The following HORMAD1 variants were observed in gnomAD, a reference collection of about 807,000 sequenced individuals.
HORMAD1 encodes the protein HORMA domain containing 1, also known as HORMA domain-containing protein 1.
In HORMAD1, 33 loss-of-function variants were observed where a neutral mutation model predicts 58.2. The ratio of observed to expected loss-of-function variants is 0.57; its 90% confidence interval spans 0.43 to 0.76. The LOEUF (loss-of-function observed/expected upper bound fraction) is 0.76, where lower values mean the gene tolerates loss of function less well. Ranked by LOEUF, HORMAD1 falls within the 30% of genes least tolerant of loss-of-function variation. HORMAD1 has a pLI of 0.00. For synonymous variants in HORMAD1, 137 were observed against 144.6 expected, an observed-to-expected ratio of 0.95 and a Z score of 0.38; for missense variants, 363 against 462.0, an observed-to-expected ratio of 0.79 and a Z score of 1.96.
intron 13 of HORMAD1, among the ~76,000 whole-genome samples, chr1:150,702,702 C>T (rs938133900): frequency 3.3e-5 from 5 of 152,084 alleles, no homozygotes; most frequent in African/African-American, 4.8e-5. Context: ...AATGAGAACA[C>T]ATGGACACAA....
At chr1:150,717,053 T>C (rs997068609) in intron 3 of HORMAD1, 85 bp downstream of exon 3, 22 of 820,388 alleles carry the variant, frequency 2.7e-5, no homozygotes, top group Middle Eastern at 3.9e-4. Flanking sequence ...AAAATAAAAT[T>C]TCTAAGTCAA....
intron 1 of HORMAD1, among the ~76,000 whole-genome samples, chr1:150,719,769 CTG>C (rs1652190003): frequency 1.3e-5 from 2 of 152,296 alleles, no homozygotes; most frequent in Admixed American, 1.3e-4. Context: ...TATTAAGAAA[CTG>C]TTTAAGAGAA....
chr1:150,702,365 G>A (rs1651562562), intron 13 of HORMAD1, among the ~76,000 whole-genome samples: 1 of 152,132 alleles, frequency 6.6e-6, no homozygotes, highest in Non-Finnish European at 1.5e-5. Flanking sequence ...ACAGTGTGGT[G>A]ATTCTTCAAA....
At chr1:150,702,329 G>A (rs1651561210) in intron 13 of HORMAD1, among the ~76,000 whole-genome samples, 1 of 152,190 alleles carries the variant, frequency 6.6e-6, no homozygotes, top group African/African-American at 2.4e-5. Context: ...TGGTTGGAAT[G>A]TAAATTAGTT....
chr1:150,708,293 A>G lies in HORMAD1; in HGVS notation c.510T>C (p.Asp170=). The part of the protein sequence containing the change: ...LMQNLGPLPN[D]VCLTMKLFYY... Reference sequence around the variant, plus strand: ...AAAAAAGTTTCATGGTCAAACAAACATCATTAGGTAAAGGCCCCAGATTTT... The same window carrying G: ...AAAAAAGTTTCATGGTCAAACAAACGTCATTAGGTAAAGGCCCCAGATTTT... The change falls in exon 9 of 15, where the codon GAT becomes GAC. Residue 170 remains aspartate, a synonymous_variant. Coordinates refer to ENST00000361824, the MANE Select transcript of HORMAD1 (RefSeq NM_032132.5). 1 of 1,607,742 alleles carries G rather than the reference A, an allele frequency of 6.2e-7. No individual in the cohort carries two copies. The highest frequency in any genetic ancestry group is 8.5e-7 in the Non-Finnish European group (1 of 1,177,372).
Position 150,717,215 on chromosome 1 carries a change from A to G in HORMAD1, c.101T>C (p.Leu34Pro), listed in dbSNP as rs749170405. Residue 34 changes from leucine (L) to proline (P), a missense_variant, in exon 3 of 15, where the codon CTA becomes CCA. By Grantham distance (98) the Leu-to-Pro change is moderately conservative. This residue lies in a region of HORMAD1 where 128 missense variants were observed against 171.8 expected (regional missense o/e 0.74). Transcript: ENST00000361824. ...HQSLVLVKRL[L>P]AVSVSCITYL... ...CGTGATACAGGATACTGAAACTGCT[A>G]GAAGCCTCTTCACTAACACCAAAGA... is the stretch of plus-strand genomic sequence containing the variant. 6.3e-7 allele frequency: 1 copy of G among 1,596,472 alleles called. No individual in the cohort carries two copies. Among genetic ancestry groups the G allele is most frequent in the South Asian group, 1.1e-5 (1 of 89,184 alleles).
chr1:150,708,641 T>C (rs1040519000), intron 8 of HORMAD1, among the ~76,000 whole-genome samples: 1 of 152,212 alleles, frequency 6.6e-6, no homozygotes, highest in African/African-American at 2.4e-5. Context: ...AGAAAGCACA[T>C]TATGTTTTAA....
rs768885402 is a variant in HORMAD1 at position 150,706,688 on chromosome 1, T to G, written c.669A>C (p.Lys223Asn). The change falls in exon 10 of 15, where the codon AAA becomes AAC. Residue 223 changes from lysine (K) to asparagine (N), a missense_variant. Lys to Asn is a moderately conservative substitution (Grantham distance 94). This residue lies in a region of HORMAD1 where 226 missense variants were observed against 257.8 expected (regional missense o/e 0.88). Coordinates refer to ENST00000361824, the MANE Select transcript of HORMAD1 (RefSeq NM_032132.5). ...GTTCTCTCTCAGTGGTCACTTTTAC[T>G]TTGAAGATGTGAAAAGGTGTTGAGA... is the stretch of plus-strand genomic sequence containing the variant. ...GEVSTPFHIFKVKVTTERERM... is the reference protein window; with the variant it reads ...GEVSTPFHIFNVKVTTERERM... 17 of 1,613,936 alleles carry G rather than the reference T, an allele frequency of 1.1e-5. No homozygotes were observed. Among genetic ancestry groups the G allele is most frequent in the Non-Finnish European group, 1.4e-5 (16 of 1,179,908 alleles).
rs1282634862 is a variant in HORMAD1, at chr1:150,717,274, C to G, written c.42G>C (p.Leu14=). The change falls in exon 3 of 15, where the codon CTG becomes CTC. Residue 14 remains leucine (L), a synonymous_variant. Coordinates refer to ENST00000361824, the MANE Select transcript of HORMAD1 (RefSeq NM_032132.5). ...CAGTTGATATCTTATTGGGAAATAC[C>G]AGTGCACTCTAAAATTCAAGGGAAA... is the stretch of plus-strand genomic sequence containing the variant. ...AQLQRTPMSA[L]VFPNKISTEH... The G allele has an allele frequency of 1.9e-6, 3 of 1,542,150 alleles. No individual in the cohort carries two copies. Among genetic ancestry groups the G allele is most frequent in the Non-Finnish European group, 2.6e-6 (3 of 1,145,874 alleles).
intron 6 of HORMAD1, 112 bp downstream of exon 6, chr1:150,711,721 T>C: frequency 1.1e-6 from 1 of 938,678 alleles, no homozygotes; most frequent in Non-Finnish European, 1.7e-6. Flanking sequence ...ATTGAATAGA[T>C]CAGTTATTTG....
chr1:150,714,553 G>T, intron 4 of HORMAD1, 62 bp downstream of exon 4: 2 of 852,648 alleles, frequency 2.3e-6, no homozygotes, highest in Non-Finnish European at 3.5e-6. Context: ...GGTATCCAAG[G>T]TACAAAAAAA....
chr1:150,718,687 T>G (rs1249859410), intron 2 of HORMAD1, among the ~76,000 whole-genome samples: 1 of 152,094 alleles, frequency 6.6e-6, no homozygotes, highest in African/African-American at 2.4e-5. Context: ...TGCAGTGGTG[T>G]GATCTCGACT....
chr1:150,702,675 A>C (rs762989578), intron 13 of HORMAD1, among the ~76,000 whole-genome samples: 6 of 152,214 alleles, frequency 3.9e-5, no homozygotes, highest in Non-Finnish European at 8.8e-5. Context: ...GTTCTCACTT[A>C]TAAGTGGTAG....
rs587647923 is a variant in HORMAD1 at position 150,702,148 on chromosome 1, A to G, written c.1032+1162T>C. Among the ~76,000 whole-genome samples the G allele has an allele frequency of 5.3e-4, 80 of 152,348 alleles. 1 individual carries two copies. In the East Asian group the frequency reaches 0.015, roughly 29 times the overall value. On this transcript the variant is annotated intron_variant, in intron 13 of 14. Transcript: ENST00000361824. ...AGACACTTCTCAAAAGAAGACATTC[A>G]TGTGGCCAACAAACATATGAAAAAC...
chr1:150,705,825 A>G (rs1557796468), intron 10 of HORMAD1, among the ~76,000 whole-genome samples: 1 of 152,248 alleles, frequency 6.6e-6, no homozygotes, highest in Admixed American at 6.5e-5. Flanking sequence ...CCTAATCAGA[A>G]TAGTGAATCT....
intron 7 of HORMAD1, among the ~76,000 whole-genome samples, chr1:150,710,634 G>C (rs1557798660): frequency 6.6e-6 from 1 of 152,124 alleles, no homozygotes; most frequent in Non-Finnish European, 1.5e-5. Context: ...CAAATGATCT[G>C]CTTTGTCAGC....
chr1:150,717,357 C>A (rs921560671), intron 2 of HORMAD1, 75 bp from the exon 3 acceptor site: 1 of 948,488 alleles, frequency 1.1e-6, no homozygotes, highest in African/African-American at 1.7e-5. Context: ...TAACATATAT[C>A]CAATTTTGTA....
At chr1:150,704,955 A>AT (rs1358685049) in intron 10 of HORMAD1, among the ~76,000 whole-genome samples, 1 of 151,954 alleles carries the variant, frequency 6.6e-6, no homozygotes, top group Non-Finnish European at 1.5e-5. Context: ...AGGCAGGAGA[A>AT]TACCTTGAAC....
Position 150,717,291 on chromosome 1 carries a change from C to T in HORMAD1, c.34-9G>A, listed in dbSNP as rs775635050. ...GGAAATACCAGTGCACTCTAAAATT[C>T]AAGGGAAAGTAGAACACTTTATTTA... On this transcript the variant is annotated splice_polypyrimidine_tract_variant and intron_variant, in intron 2 of 14. Transcript: ENST00000361824. The T allele has an allele frequency of 4.7e-6, 7 of 1,494,070 alleles. No individual in the cohort carries two copies. Among genetic ancestry groups the T allele is most frequent in the Non-Finnish European group, 6.3e-6 (7 of 1,113,310 alleles). 92.6% of individuals were successfully genotyped at this position (1,494,070 alleles called of 1,614,324 possible).
Sources: gnomAD v4.1 joint callset for allele counts (sites outside exome capture counted in the v4.1 genomes callset) on GRCh38, gnomAD v4.1.1 for gene constraint, gnomAD v4.1.1 regional missense constraint, MANE v1.5 for transcripts, NCBI Gene and HGNC (gene_info 2026-07-23, HGNC 2026-07-21) for gene names.